Variants in VSIG8 observed in about 807,000 individuals in gnomAD.
VSIG8 encodes the protein V-set and immunoglobulin domain-containing protein 8.
In VSIG8, 32 loss-of-function variants were observed where a neutral mutation model predicts 42.6. That is an observed-to-expected ratio of 0.75 (90% CI 0.57 to 1.01). The LOEUF (loss-of-function observed/expected upper bound fraction) is 1.01. VSIG8 is among the 50% of genes least tolerant of loss of function. The pLI is 0.00. For missense variants in VSIG8, 529 were observed against 558.0 expected, an observed-to-expected ratio of 0.95 and a Z score of 0.52; for synonymous variants, 290 against 243.8, an observed-to-expected ratio of 1.19 and a Z score of -1.77.
intron 2 of VSIG8, 107 bp from the exon 3 acceptor site, chr1:159,858,398 C>G: frequency 8.5e-7 from 1 of 1,178,850 alleles, no homozygotes; most frequent in Middle Eastern, 2.1e-4. Flanking sequence ...ACTCTTTTCT[C>G]AGCTGAAAAA....
chr1:159,856,589 A>T lies in VSIG8; in HGVS notation c.707T>A (p.Leu236Gln). 1 of 1,614,176 alleles carries T rather than the reference A, an allele frequency of 6.2e-7. No individual in the cohort carries two copies. Among genetic ancestry groups the T allele is most frequent in the Non-Finnish European group, 8.5e-7 (1 of 1,180,024 alleles). The change falls in exon 5 of 7, where the codon CTG (leucine) becomes CAG (glutamine). Residue 236 changes from leucine (L) to glutamine (Q), a missense_variant. Leu to Gln is a moderately radical substitution (Grantham distance 113). Coordinates refer to ENST00000368100, the MANE Select transcript of VSIG8 (RefSeq NM_001013661.1). ...GTTGTTGGCCACTGTGCACTGATACAGCCCATCATCTGCTCTGGAGATATC... is the reference window on the plus strand; with the variant it reads ...GTTGTTGGCCACTGTGCACTGATACTGCCCATCATCTGCTCTGGAGATATC... ...LKDISRADDGLYQCTVANNVG... is the reference protein window; with the variant it reads ...LKDISRADDGQYQCTVANNVG...
rs959226590 is a variant in VSIG8, at chr1:159,862,421, C to A, written c.49+52G>T. 2.6e-6 allele frequency: 4 copies of A among 1,557,342 alleles called. No homozygotes were observed. The African/African-American group carries it at 5.5e-5, about 21-fold the overall frequency. On this transcript the variant is annotated intron_variant, in intron 1 of 6. Coordinates refer to ENST00000368100, the MANE Select transcript of VSIG8 (RefSeq NM_001013661.1). ...CACTGTGAGCCCTTGCTGCCCCTTT[C>A]CTTCCCACCTAGCCTCATGCTGGCT... is the stretch of plus-strand genomic sequence containing the variant.
intron 6 of VSIG8, 109 bp downstream of exon 6, chr1:159,855,774 G>T (rs1648796418): frequency 6.3e-6 from 9 of 1,420,684 alleles, no homozygotes; most frequent in East Asian, 5.3e-5. Context: ...TGGCGATGGC[G>T]GGCAGGGTTG....
At chr1:159,859,803 A>G (rs1046321192) in intron 1 of VSIG8, among the ~76,000 whole-genome samples, 3 of 152,054 alleles carry the variant, frequency 2.0e-5, no homozygotes, top group Admixed American at 2.0e-4. Flanking sequence ...TGCCCCCACA[A>G]GCTGGCTTCC....
chr1:159,856,147 C>G, intron 5 of VSIG8, 66 bp from the exon 6 acceptor site: 2 of 1,478,092 alleles, frequency 1.4e-6, no homozygotes. Context: ...GGGAACAGCA[C>G]CAGGAGGTGC....
intron 1 of VSIG8, 29 bp downstream of exon 1, chr1:159,862,444 G>A (rs1437224893): frequency 6.3e-7 from 1 of 1,598,384 alleles, no homozygotes; most frequent in East Asian, 2.3e-5. Context: ...CCTCATGCTG[G>A]CTACCCTGCC....
At position 159,858,218 on chromosome 1, in the gene VSIG8, G is replaced by A; in HGVS notation, c.302C>T (p.Ala101Val). 1 of 1,614,216 alleles carries A rather than the reference G, an allele frequency of 6.2e-7. No individual in the cohort carries two copies. Among genetic ancestry groups the A allele is most frequent in the South Asian group, 1.1e-5 (1 of 91,080 alleles). Reference sequence around the variant, plus strand: ...GGCATCGTACTGGCTTGGGTCTGAGGCTGCAAAGCGGACCCTCTGCTGCAG... The same window carrying A: ...GGCATCGTACTGGCTTGGGTCTGAGACTGCAAAGCGGACCCTCTGCTGCAG... Reference protein sequence around the residue: ...PHLQQRVRFAASDPSQYDASI... With the variant: ...PHLQQRVRFAVSDPSQYDASI... Residue 101 changes from alanine to valine, a missense_variant, in exon 3 of 7, where the codon GCC becomes GTC. Ala to Val is a moderately conservative substitution (Grantham distance 64). Coordinates refer to ENST00000368100, the MANE Select transcript of VSIG8 (RefSeq NM_001013661.1).
At chr1:159,862,047 C>T (rs1033725952) in intron 1 of VSIG8, 8 of 173,688 alleles carry the variant, frequency 4.6e-5, no homozygotes, top group Non-Finnish European at 7.3e-5. Flanking sequence ...GAAGGAGTAG[C>T]GTTGGGAATA....
In VSIG8 at chr1:159,854,637, C is replaced by A. The variant is rs928113201; in HGVS notation, c.*116G>T. On this transcript the variant is annotated 3_prime_UTR_variant, in exon 7 of 7. Transcript: ENST00000368100. ...TTAGGGAAATGCCTTCACCCCCAGC[C>A]GCCTGGCAGCCTGGGGCGAGCGAGG... 6.0e-6 allele frequency: 8 copies of A among 1,343,676 alleles called. No individual in the cohort carries two copies. The highest frequency in any genetic ancestry group is 7.6e-6 in the Non-Finnish European group (8 of 1,052,694). 83.2% of individuals were successfully genotyped at this position (1,343,676 alleles called of 1,614,324 possible).
At position 159,856,565 on chromosome 1, in the gene VSIG8, T is replaced by C. The variant is rs1178684644; in HGVS notation, c.731A>G (p.Asn244Ser). 1.2e-6 allele frequency: 2 copies of C among 1,614,150 alleles called. No individual in the cohort carries two copies. The highest frequency in any genetic ancestry group is 1.1e-5 in the South Asian group (1 of 91,082). ...CACCACACAAACACTGTAGCCCACG[T>C]TGTTGGCCACTGTGCACTGATACAG... Reference protein sequence around the residue: ...DGLYQCTVANNVGYSVCVVEV... With the variant: ...DGLYQCTVANSVGYSVCVVEV... Residue 244 changes from asparagine (N) to serine (S), a missense_variant, in exon 5 of 7, where the codon AAC becomes AGC. By Grantham distance (46) the Asn-to-Ser change is conservative. Transcript: ENST00000368100.
chr1:159,855,059 G>T, intron 6 of VSIG8, 33 bp from the exon 7 acceptor site: 1 of 1,567,308 alleles, frequency 6.4e-7, no homozygotes, highest in Non-Finnish European at 8.6e-7. Flanking sequence ...GGGTGAGCGG[G>T]CTGCTCCGCA....
chr1:159,857,996 G>T, intron 3 of VSIG8, 30 bp from the exon 4 acceptor site: 6 of 1,612,192 alleles, frequency 3.7e-6, no homozygotes, highest in Non-Finnish European at 4.2e-6. Flanking sequence ...TGTAAGCCAG[G>T]GCCCAGCCAA....
chr1:159,856,247 A>G, intron 5 of VSIG8, 166 bp from the exon 6 acceptor site: 1 of 776,410 alleles, frequency 1.3e-6, no homozygotes, highest in Non-Finnish European at 2.0e-6. Flanking sequence ...GGGAGATGCA[A>G]GTTAACCCCT....
intron 4 of VSIG8, 132 bp from the exon 5 acceptor site, chr1:159,856,775 A>C (rs1648846951): frequency 9.9e-6 from 10 of 1,013,726 alleles, no homozygotes; most frequent in Admixed American, 2.8e-5. Flanking sequence ...CCACACCCAC[A>C]CACACACACA....
intron 4 of VSIG8, 38 bp from the exon 5 acceptor site, chr1:159,856,681 C>T (rs1177560284): frequency 1.2e-6 from 2 of 1,606,944 alleles, no homozygotes; most frequent in East Asian, 2.2e-5. Context: ...TCTCTGAGAG[C>T]TCCCACCCCA....
chr1:159,857,438 G>A (rs375500810), intron 4 of VSIG8, among the ~76,000 whole-genome samples: 17 of 152,180 alleles, frequency 1.1e-4, no homozygotes, highest in Middle Eastern at 3.4e-3. Flanking sequence ...AGCCAGGTGC[G>A]GTGGTGCATG....
Position 159,857,828 on chromosome 1 carries a change from TA to T in VSIG8, c.568del (p.Tyr190IlefsTer26). 1 of 1,614,164 alleles carries T rather than the reference TA, an allele frequency of 6.2e-7. No homozygotes were observed. The highest frequency in any genetic ancestry group is 8.5e-7 in the Non-Finnish European group (1 of 1,180,032). On this transcript the variant is annotated frameshift_variant, in exon 4 of 7. Coordinates refer to ENST00000368100, the MANE Select transcript of VSIG8 (RefSeq NM_001013661.1). LOFTEE classifies it high-confidence loss of function. ...WAKISGHHYPYRAGSYTSQHS... is the reference protein window; with the variant it reads ...WAKISGHHYPXRAGSYTSQHS... ...CTGGGAGGTGTAAGACCCAGCTCGA[TA>T]GGGGTAATGGTGCCCACTGATCTTG... is the stretch of plus-strand genomic sequence containing the variant.
intron 1 of VSIG8, among the ~76,000 whole-genome samples, chr1:159,859,938 A>G (rs2101831215): frequency 6.6e-6 from 1 of 152,078 alleles, no homozygotes; most frequent in South Asian, 2.1e-4. Context: ...AGGCAGGCCT[A>G]TCCCCAACCG....
chr1:159,855,710 G>C, intron 6 of VSIG8, 173 bp downstream of exon 6: 2 of 949,142 alleles, frequency 2.1e-6, no homozygotes, highest in African/African-American at 1.8e-5. Flanking sequence ...GGCAGGGGGA[G>C]GGGAAAGCCA....
Sources: gnomAD v4.1 joint callset for allele counts (sites outside exome capture counted in the v4.1 genomes callset) on GRCh38, gnomAD v4.1.1 for gene constraint, MANE v1.5 for transcripts, NCBI Gene and HGNC (gene_info 2026-07-23, HGNC 2026-07-21) for gene names.